EXOSC7: variants seen among roughly 807,000 people sequenced by gnomAD.
EXOSC7 encodes exosome component 7.
In EXOSC7, 25 loss-of-function variants were observed where a neutral mutation model predicts 34.3. That is an observed-to-expected ratio of 0.73 (90% confidence interval 0.53 to 1.02). EXOSC7 has a LOEUF of 1.02. Ranked by LOEUF, EXOSC7 falls within the 50% of genes least tolerant of loss-of-function variation. The pLI is 0.00. For missense variants in EXOSC7, 370 were observed against 368.5 expected (o/e 1.00, Z -0.03); for synonymous variants, 130 against 143.0 (o/e 0.91, Z 0.65).
rs6794 is a variant in EXOSC7, at chr3:45,011,283, G to C, written c.820G>C (p.Val274Leu). The C allele has an allele frequency of 0.55, 884,885 of 1,610,536 alleles. 250,030 individuals are homozygous for C. Among genetic ancestry groups the C allele is most frequent in the East Asian group, 0.88 (39,556 of 44,732 alleles). ...KVLHASLQSV[V>L]HKEESLGPKR... ...ACTGCATGCCTCCTTGCAGAGTGTT[G>C]TGCACAAGGAAGAAAGCCTGGGGCC... Residue 274 changes from valine (V) to leucine (L), a missense_variant, in exon 8 of 8, where the codon GTG becomes CTG. This residue lies in a region of EXOSC7 where 255 missense variants were observed against 246.4 expected (regional missense o/e 1.03). Coordinates refer to ENST00000265564, the MANE Select transcript of EXOSC7 (RefSeq NM_015004.4).
chr3:45,011,369 GT>G lies in EXOSC7; in HGVS notation c.*36del. 1 of 1,398,172 alleles carries G rather than the reference GT, an allele frequency of 7.2e-7. No homozygotes were observed. Among genetic ancestry groups the G allele is most frequent in the Non-Finnish European group, 1.0e-6 (1 of 998,644 alleles). The allele number at this position is 1,398,172 out of a possible 1,614,324, so 86.6% of individuals were successfully genotyped here. A position where few individuals can be genotyped will look rare whatever the true frequency, so the allele number is the denominator to read the frequency against. ...CACATCAACTGCTCAACTGTGGATT[GT>G]TTTTTACTTTTCCTTTTAAACCGGT... On this transcript the variant is annotated 3_prime_UTR_variant, in exon 8 of 8. Coordinates refer to ENST00000265564, the MANE Select transcript of EXOSC7 (RefSeq NM_015004.4).
At chr3:44,997,370 G>A in intron 4 of EXOSC7, 118 bp downstream of exon 4, 2 of 845,392 alleles carry the variant, frequency 2.4e-6, no homozygotes, top group Non-Finnish European at 3.5e-6. Flanking sequence ...TATAGGGTGG[G>A]ATTAGTTGGG....
At chr3:45,011,576 G>A, downstream of EXOSC7, 1 of 330,246 alleles carries the variant, frequency 3.0e-6, no homozygotes, top group Non-Finnish European at 5.4e-6. Flanking sequence ...CCAGAGCTCT[G>A]CCACCAAGGG....
intron 7 of EXOSC7, among the ~76,000 whole-genome samples, chr3:45,007,811 T>G (rs572492279): frequency 9.9e-5 from 15 of 152,258 alleles, no homozygotes; most frequent in African/African-American, 3.6e-4. Flanking sequence ...TTGTCCTCAG[T>G]AAGTACCCCC....
At position 44,989,214 on chromosome 3, in the gene EXOSC7, C is replaced by G; in HGVS notation, c.132C>G (p.Asn44Lys). Residue 44 changes from asparagine (N) to lysine (K), a missense_variant, in exon 2 of 8, where the codon AAC becomes AAG. Asn to Lys is a moderately conservative substitution (Grantham distance 94, BLOSUM62 0). Transcript: ENST00000265564. ...AAGTGGAAACTGATGTGGTGTCCAACACTAGTGGGTCCGCCAGGGTCAAGC... is the reference window on the plus strand; with the variant it reads ...AAGTGGAAACTGATGTGGTGTCCAAGACTAGTGGGTCCGCCAGGGTCAAGC... ...CVEVETDVVS[N>K]TSGSARVKLG... The G allele has an allele frequency of 6.2e-7, 1 of 1,614,040 alleles. No homozygotes were observed. Among genetic ancestry groups the G allele is most frequent in the Non-Finnish European group, 8.5e-7 (1 of 1,179,888 alleles).
intron 6 of EXOSC7, 94 bp downstream of exon 6, chr3:45,005,508 G>T: frequency 7.8e-7 from 1 of 1,285,562 alleles, no homozygotes. Context: ...TTAAGAAGTT[G>T]TAATACCACA....
chr3:45,006,291 T>G (rs529261757), intron 6 of EXOSC7, among the ~76,000 whole-genome samples: 1 of 151,674 alleles, frequency 6.6e-6, no homozygotes, highest in Non-Finnish European at 1.5e-5. Flanking sequence ...TTGGCCAGGC[T>G]GGTCTCAAAC....
chr3:45,006,836 A>C (rs1302182854), intron 6 of EXOSC7, among the ~76,000 whole-genome samples: 3 of 47,792 alleles, frequency 6.3e-5, no homozygotes, highest in African/African-American at 8.4e-5. Context: ...CAACCCTTCC[A>C]CCTCAGCCTC....
chr3:44,981,794 G>C (rs1400865354), intron 1 of EXOSC7, among the ~76,000 whole-genome samples: 1 of 152,134 alleles, frequency 6.6e-6, no homozygotes, highest in African/African-American at 2.4e-5. Context: ...TGTAGGCCTA[G>C]CTGCTTGGGA....
rs1021684563 is a variant in EXOSC7 at position 44,997,240 on chromosome 3, T to A, written c.408T>A (p.Tyr136Ter). Residue 136 changes from tyrosine to a stop codon, truncating the protein, a stop_gained, in exon 4 of 8, where the codon TAT (tyrosine) becomes TAA (stop). Coordinates refer to ENST00000265564, the MANE Select transcript of EXOSC7 (RefSeq NM_015004.4). LOFTEE classifies it high-confidence loss of function. ...CTCGGGAGCACTGCTGGGTTCTCTA[T>A]GTGGATGTGCTGGTGAGTATCATCG... ...ISPREHCWVL[Y>*]VDVLLLECGG... 1.2e-6 allele frequency: 2 copies of A among 1,613,982 alleles called. No homozygotes were observed. The highest frequency in any genetic ancestry group is 1.7e-6 in the Non-Finnish European group (2 of 1,179,946).
At chr3:45,009,048 A>G (rs1707133185) in intron 7 of EXOSC7, among the ~76,000 whole-genome samples, 1 of 152,192 alleles carries the variant, frequency 6.6e-6, no homozygotes, top group South Asian at 2.1e-4. Context: ...CTCCCTGCTC[A>G]TAAATACTGG....
chr3:44,995,126 G>A (rs542997719), intron 3 of EXOSC7, among the ~76,000 whole-genome samples: 3 of 152,242 alleles, frequency 2.0e-5, no homozygotes, highest in South Asian at 4.1e-4. Flanking sequence ...GGGATTACAG[G>A]CATGTGCCAC....
rs774989692 is a variant in EXOSC7, at chr3:44,989,140, G to A, written c.58G>A (p.Glu20Lys). Residue 20 changes from glutamate to lysine, a missense_variant and splice_region_variant, in exon 2 of 8, where the codon GAA becomes AAA. Physicochemically the swap from Glu to Lys is moderately conservative, Grantham distance 56. Transcript: ENST00000265564. ...TAGGACTGTGGTTGTTAACACCTAG[G>A]AAGACCTCCGTGTGGATGGCCGTGG... ...EKVYIVHGVQ[E>K]DLRVDGRGCE... The A allele has an allele frequency of 2.5e-6, 4 of 1,613,006 alleles. No homozygotes were observed. In the South Asian group the frequency reaches 3.3e-5, roughly 13 times the overall value.
chr3:45,012,365 G>T (rs1697307141), downstream of EXOSC7: 1 of 152,262 alleles, frequency 6.6e-6, no homozygotes, highest in South Asian at 2.1e-4. Flanking sequence ...GCTTCCAGAG[G>T]TCCTGGTGTG....
Position 44,976,292 on chromosome 3 carries a change from G to A in EXOSC7, c.15G>A (p.Thr5=). MASV[T]LSEAEKVYIV... ...AGCTCGGCAGCATGGCGTCCGTGAC[G>A]CTGAGCGAGGCGGAGAAGGTGTACA... The change falls in exon 1 of 8, where the codon ACG becomes ACA. Residue 5 remains threonine, a synonymous_variant. Transcript: ENST00000265564. 2 of 1,561,772 alleles carry A rather than the reference G, an allele frequency of 1.3e-6. No homozygotes were observed. The highest frequency in any genetic ancestry group is 2.0e-5 in the Admixed American group (1 of 49,458).
intron 7 of EXOSC7, 32 bp from the exon 8 acceptor site, chr3:45,011,203 G>T: frequency 7.4e-7 from 1 of 1,348,400 alleles, no homozygotes; most frequent in Non-Finnish European, 1.0e-6. Flanking sequence ...CTTACAAGGG[G>T]GTGTGTGCTC....
At chr3:44,980,544 A>G (rs997467996) in intron 1 of EXOSC7, among the ~76,000 whole-genome samples, 10 of 152,328 alleles carry the variant, frequency 6.6e-5, no homozygotes, top group South Asian at 4.1e-4. Flanking sequence ...GACCTGTCTG[A>G]TTGCAAAGCC....
At chr3:45,000,644 CAT>C (rs1156955860) in intron 4 of EXOSC7, among the ~76,000 whole-genome samples, 5 of 152,208 alleles carry the variant, frequency 3.3e-5, no homozygotes, top group Admixed American at 6.5e-5. Flanking sequence ...TAATGTAAAA[CAT>C]GTAGTATTTC....
chr3:44,983,373 T>G (rs944128236), intron 1 of EXOSC7, among the ~76,000 whole-genome samples: 2 of 152,222 alleles, frequency 1.3e-5, no homozygotes, highest in African/African-American at 4.8e-5. Flanking sequence ...CTTTAAATGC[T>G]TTATGACGTT....
Sources: gnomAD v4.1 joint callset for allele counts (sites outside exome capture counted in the v4.1 genomes callset) on GRCh38, gnomAD v4.1.1 for gene constraint, gnomAD v4.1.1 regional missense constraint, MANE v1.5 for transcripts, NCBI Gene and HGNC (gene_info 2026-07-23, HGNC 2026-07-21) for gene names.